CADPS: variants seen among roughly 807,000 people sequenced by gnomAD.
CADPS encodes calcium dependent secretion activator, also known as calcium-dependent secretion activator 1.
CADPS carries 57 observed loss-of-function variants against 167.3 expected under a neutral mutation model. That is an observed-to-expected ratio of 0.34 (90% confidence interval 0.28 to 0.42). CADPS has a LOEUF of 0.42. Among genes scored for constraint, CADPS ranks in the 20% least tolerant of loss-of-function variants. The probability of loss-of-function intolerance (pLI) is 1.00; values close to 1 mark genes in which losing one functional copy is unlikely to be tolerated. For missense variants in CADPS, 1,414 were observed against 1,738.1 expected (o/e 0.81, Z 3.32); for synonymous variants, 676 against 635.3 (o/e 1.06, Z -0.96).
chr3:62,864,014 ACTT>A (rs1226129518), intron 1 of CADPS, among the ~76,000 whole-genome samples: 2 of 152,196 alleles, frequency 1.3e-5, no homozygotes, highest in African/African-American at 4.8e-5. Flanking sequence ...TCTGTGAACT[ACTT>A]CTTATTGGCC....
intron 1 of CADPS, among the ~76,000 whole-genome samples, chr3:62,866,226 C>T (rs529900750): frequency 3.9e-5 from 6 of 152,128 alleles, no homozygotes; most frequent in African/African-American, 1.4e-4. Flanking sequence ...GTTTCTGTAA[C>T]ATAACTTATT....
rs755326568 is a variant in CADPS at position 62,738,728 on chromosome 3, A to AAAAAT, written c.888+14708_888+14712dup. 4.5e-4 allele frequency among the ~76,000 whole-genome samples: 69 copies of AAAAAT among 152,332 alleles called. 1 individual carries two copies. The highest frequency in any genetic ancestry group is 8.4e-4 in the Non-Finnish European group (57 of 68,036). ...GCAACAAGAGTGAAACTCCGTCTCAAAAAATAAAATAAAATAAAATTTTAA... is the reference window on the plus strand; with the variant it reads ...GCAACAAGAGTGAAACTCCGTCTCAAAAAATAAAATAAAATAAAATAAAATTTTAA... On this transcript the variant is annotated intron_variant, in intron 3 of 29. Transcript: ENST00000383710.
chr3:62,648,691 CAA>C (rs55665003), intron 5 of CADPS, among the ~76,000 whole-genome samples: 4 of 54,546 alleles, frequency 7.3e-5, no homozygotes, highest in African/African-American at 1.8e-4. Context: ...GACGTTGTGT[CAA>C]AAAAAAAAAA....
At chr3:62,820,794 G>GTTTT (rs2094871724) in intron 1 of CADPS, among the ~76,000 whole-genome samples, 1 of 140,362 alleles carries the variant, frequency 7.1e-6, no homozygotes, top group African/African-American at 2.7e-5. Flanking sequence ...TCTTTTTTTT[G>GTTTT]GTTTTTTTTT....
intron 1 of CADPS, chr3:62,814,244 T>C (rs2094512716): frequency 6.6e-6 from 1 of 152,072 alleles, no homozygotes; most frequent in African/African-American, 2.4e-5. Context: ...AAAAACACAG[T>C]AAAAATGTAA....
chr3:62,872,872 T>A (rs566803308), intron 1 of CADPS, among the ~76,000 whole-genome samples: 8 of 152,320 alleles, frequency 5.3e-5, no homozygotes, highest in Non-Finnish European at 1.2e-4. Flanking sequence ...AATGGAATAT[T>A]TTTGGCTGGT....
intron 1 of CADPS, among the ~76,000 whole-genome samples, chr3:62,830,839 C>G (rs1245553495): frequency 2.0e-5 from 3 of 152,146 alleles, no homozygotes; most frequent in African/African-American, 7.2e-5. Context: ...TAGGATATTT[C>G]TATTATCCAG....
At chr3:62,495,851 T>A (rs1561242262) in intron 18 of CADPS, among the ~76,000 whole-genome samples, 1 of 152,226 alleles carries the variant, frequency 6.6e-6, no homozygotes, top group Non-Finnish European at 1.5e-5. Context: ...ATATACCGCA[T>A]GTGTGTGCAT....
intron 2 of CADPS, among the ~76,000 whole-genome samples, chr3:62,758,424 T>C (rs1575959944): frequency 6.6e-6 from 1 of 152,182 alleles, no homozygotes; most frequent in East Asian, 1.9e-4. Flanking sequence ...GGAGAGAAGG[T>C]GGCAGCAGGA....
chr3:62,545,600 A>C (rs1266240759), intron 11 of CADPS, among the ~76,000 whole-genome samples: 3 of 152,150 alleles, frequency 2.0e-5, no homozygotes, highest in African/African-American at 7.2e-5. Flanking sequence ...ACACAAACTA[A>C]TGAATAGCAG....
intron 6 of CADPS, among the ~76,000 whole-genome samples, chr3:62,635,579 G>A (rs1369468744): frequency 6.6e-6 from 1 of 151,218 alleles, no homozygotes; most frequent in East Asian, 1.9e-4. Flanking sequence ...TCATTACTTA[G>A]TAAATGACAG....
At chr3:62,700,712 G>T (rs574164742) in intron 3 of CADPS, among the ~76,000 whole-genome samples, 15 of 152,164 alleles carry the variant, frequency 9.9e-5, no homozygotes, top group African/African-American at 3.6e-4. Flanking sequence ...CTCTATGAAG[G>T]ACATCCCATT....
chr3:62,430,723 T>C (rs375007925), intron 28 of CADPS, among the ~76,000 whole-genome samples: 1 of 152,108 alleles, frequency 6.6e-6, no homozygotes, highest in South Asian at 2.1e-4. Context: ...TATATATAGA[T>C]ACCCGTTACG....
intron 1 of CADPS, chr3:62,779,198 G>T (rs1238845655): frequency 7.7e-6 from 2 of 259,672 alleles, no homozygotes; most frequent in African/African-American, 2.3e-5. Context: ...GATGCCTTTG[G>T]AGCTGGTGCT....
chr3:62,547,673 G>C (rs1376187868), intron 11 of CADPS, among the ~76,000 whole-genome samples: 1 of 141,326 alleles, frequency 7.1e-6, no homozygotes, highest in Non-Finnish European at 1.5e-5. Context: ...CTAGAGTAGT[G>C]ATACACATCA....
chr3:62,449,643 C>A (rs748105645), intron 26 of CADPS, among the ~76,000 whole-genome samples: 2 of 151,408 alleles, frequency 1.3e-5, no homozygotes, highest in Non-Finnish European at 2.9e-5. Flanking sequence ...GTATCTAGAT[C>A]AAATAACCAA....
At chr3:62,858,068 A>G in intron 1 of CADPS, among the ~76,000 whole-genome samples, 1 of 152,228 alleles carries the variant, frequency 6.6e-6, no homozygotes, top group East Asian at 1.9e-4. Context: ...AAAGAGAAAT[A>G]CAGCAGGAGG....
intron 26 of CADPS, among the ~76,000 whole-genome samples, chr3:62,453,631 C>T (rs1356534849): frequency 6.6e-6 from 1 of 152,196 alleles, no homozygotes; most frequent in East Asian, 1.9e-4. Context: ...GGCGGATGTA[C>T]TGGGACTGCG....
chr3:62,772,819 G>C (rs1439232784), intron 1 of CADPS, among the ~76,000 whole-genome samples: 1 of 152,082 alleles, frequency 6.6e-6, no homozygotes, highest in Non-Finnish European at 1.5e-5. Flanking sequence ...GTAAAAGAAG[G>C]AACCTCAAAT....
Sources: gnomAD v4.1 joint callset for allele counts (sites outside exome capture counted in the v4.1 genomes callset) on GRCh38, gnomAD v4.1.1 for gene constraint, MANE v1.5 for transcripts, NCBI Gene and HGNC (gene_info 2026-07-23, HGNC 2026-07-21) for gene names.